GBE1: variants seen among roughly 807,000 people sequenced by gnomAD.
GBE1 encodes the protein 1,4-alpha-glucan-branching enzyme.
In GBE1, 70 loss-of-function variants were observed where a neutral mutation model predicts 88.8. That is an observed-to-expected ratio of 0.79 (90% confidence interval 0.65 to 0.96). GBE1 has a LOEUF of 0.96. Among genes scored for constraint, GBE1 ranks in the 40% least tolerant of loss-of-function variants. GBE1 has a pLI of 0.00. For missense variants in GBE1, 872 were observed against 871.0 expected (o/e 1.00, Z -0.01); for synonymous variants, 284 against 300.1 (o/e 0.95, Z 0.56).
At chr3:81,680,299 C>A (rs1051265948) in intron 2 of GBE1, among the ~76,000 whole-genome samples, 1 of 152,052 alleles carries the variant, frequency 6.6e-6, no homozygotes, top group Admixed American at 6.5e-5. Flanking sequence ...CGAGACCATC[C>A]TGGCTAACAT....
chr3:81,637,844 G>A (rs1397885641), intron 7 of GBE1, among the ~76,000 whole-genome samples: 1 of 151,988 alleles, frequency 6.6e-6, no homozygotes, highest in Non-Finnish European at 1.5e-5. Context: ...TGGTCATGAT[G>A]TAATATCATA....
chr3:81,725,153 T>C (rs1706090774), intron 1 of GBE1, among the ~76,000 whole-genome samples: 1 of 152,206 alleles, frequency 6.6e-6, no homozygotes, highest in African/African-American at 2.4e-5. Context: ...AATTTATATT[T>C]AAACATTTTT....
chr3:81,717,239 A>G (rs979232037), intron 1 of GBE1, among the ~76,000 whole-genome samples: 7 of 152,224 alleles, frequency 4.6e-5, no homozygotes, highest in Non-Finnish European at 1.0e-4. Flanking sequence ...CTCTTGGCTC[A>G]AATAACACTC....
chr3:81,673,441 T>A (rs1371105775), intron 2 of GBE1, among the ~76,000 whole-genome samples: 1 of 151,854 alleles, frequency 6.6e-6, no homozygotes, highest in Non-Finnish European at 1.5e-5. Context: ...CCAATATAAA[T>A]GAGAAAATGT....
chr3:81,751,707 A>T lies in GBE1; in HGVS notation c.143+9668T>A, dbSNP rs148998168. 3.9e-3 allele frequency among the ~76,000 whole-genome samples: 601 copies of T among 152,324 alleles called. 18 individuals are homozygous for T. In the East Asian group the frequency reaches 0.042, roughly 11 times the overall value. On this transcript the variant is annotated intron_variant, in intron 1 of 15. Transcript: ENST00000429644. ...ACCACTGACCTTCGCTTTTCTTCAC[A>T]AGCCTCTATTTCTATAATTCATTGC...
intron 1 of GBE1, among the ~76,000 whole-genome samples, chr3:81,720,610 T>C (rs1473913751): frequency 6.6e-6 from 1 of 152,080 alleles, no homozygotes; most frequent in African/African-American, 2.4e-5. Context: ...ACTCTGTAGG[T>C]CTTGTAATGA....
In GBE1 at chr3:81,586,180, C is replaced by A; in HGVS notation, c.1247G>T (p.Gly416Val). ...DSITIAEDVS[G>V]MPALCSPISQ... is the part of the protein sequence containing the mutation. Reference sequence around the variant, plus strand: ...AATTGGAGAGCACAGAGCTGGCATTCCTGATACATCCTACAACAAAGAACG... The same window carrying A: ...AATTGGAGAGCACAGAGCTGGCATTACTGATACATCCTACAACAAAGAACG... Residue 416 changes from glycine to valine, a missense_variant, in exon 10 of 16, where the codon GGA becomes GTA. By Grantham distance (109) the Gly-to-Val change is moderately radical. Transcript: ENST00000429644. The A allele has an allele frequency of 6.2e-7, 1 of 1,601,082 alleles. No homozygotes were observed. The highest frequency in any genetic ancestry group is 8.5e-7 in the Non-Finnish European group (1 of 1,173,326).
At chr3:81,721,022 A>G (rs1706019801) in intron 1 of GBE1, among the ~76,000 whole-genome samples, 1 of 79,114 alleles carries the variant, frequency 1.3e-5, no homozygotes, top group African/African-American at 6.0e-5. Context: ...GGACACAGGA[A>G]GGGGAATATC....
intron 1 of GBE1, among the ~76,000 whole-genome samples, chr3:81,722,619 G>A (rs1163139224): frequency 2.0e-5 from 3 of 151,762 alleles, no homozygotes; most frequent in East Asian, 3.9e-4. Context: ...AGTAGATGAG[G>A]AAGAAATGAG....
At chr3:81,581,952 T>C (rs1457313069) in intron 10 of GBE1, among the ~76,000 whole-genome samples, 1 of 152,114 alleles carries the variant, frequency 6.6e-6, no homozygotes, top group Non-Finnish European at 1.5e-5. Flanking sequence ...TTGACACTGC[T>C]GATCCTATCT....
At chr3:81,719,213 G>A (rs1267003602) in intron 1 of GBE1, among the ~76,000 whole-genome samples, 1 of 151,874 alleles carries the variant, frequency 6.6e-6, no homozygotes, top group African/African-American at 2.4e-5. Flanking sequence ...CGGTTTTTTT[G>A]TTCGTTTGGT....
Position 81,649,649 on chromosome 3 carries a change from T to C in GBE1, c.555+147A>G, listed in dbSNP as rs1458225095. On this transcript the variant is annotated intron_variant, in intron 4 of 15. Transcript: ENST00000429644. ...TACAGAAGACAGACTATGATACTCATACAGTATAAAAGGAATACTATGATG... is the reference window on the plus strand; with the variant it reads ...TACAGAAGACAGACTATGATACTCACACAGTATAAAAGGAATACTATGATG... 7.0e-6 allele frequency: 4 copies of C among 567,938 alleles called. No homozygotes were observed. The South Asian group carries it at 9.5e-5, about 14-fold the overall frequency. 35.2% of individuals were successfully genotyped at this position (567,938 alleles called of 1,614,324 possible). A position where few individuals can be genotyped will look rare whatever the true frequency, so the allele number is the denominator to read the frequency against.
Position 81,733,181 on chromosome 3 carries a change from G to C in GBE1, c.144-27568C>G, listed in dbSNP as rs1706211823. 6.6e-6 allele frequency among the ~76,000 whole-genome samples: 1 copy of C among 151,910 alleles called. No homozygotes were observed. ...AGATTCCCATAGCAGAATCTAACAG[G>C]GTTCACATAGAACCCTACTGTGAAC... On this transcript the variant is annotated intron_variant, in intron 1 of 15. Transcript: ENST00000429644. The surrounding 1 kb of genome is among the most constrained non-coding windows in gnomAD (Gnocchi z 4.0).
At chr3:81,525,426 G>T (rs1178994179) in intron 14 of GBE1, among the ~76,000 whole-genome samples, 2 of 151,892 alleles carry the variant, frequency 1.3e-5, no homozygotes, top group East Asian at 3.9e-4. Flanking sequence ...TGCTGGATTC[G>T]GTTTGCCAGT....
chr3:81,583,422 A>T (rs1703760013), intron 10 of GBE1, among the ~76,000 whole-genome samples: 1 of 152,148 alleles, frequency 6.6e-6, no homozygotes, highest in Non-Finnish European at 1.5e-5. Flanking sequence ...GAGTACACAC[A>T]TGTATACAGT....
intron 1 of GBE1, among the ~76,000 whole-genome samples, chr3:81,724,287 T>A (rs1706078193): frequency 6.6e-6 from 1 of 152,188 alleles, no homozygotes; most frequent in Non-Finnish European, 1.5e-5. Flanking sequence ...TGTCTCCAAA[T>A]TCACATTAAA....
At chr3:81,648,744 A>C (rs532238435) in intron 5 of GBE1, 112 bp downstream of exon 5, 272 of 566,562 alleles carry the variant, frequency 4.8e-4, no homozygotes, top group Non-Finnish European at 4.9e-4. Context: ...ATGCCTTTCT[A>C]TTACATATTT....
chr3:81,576,168 C>G (rs1703644868), intron 12 of GBE1, among the ~76,000 whole-genome samples: 1 of 151,526 alleles, frequency 6.6e-6, no homozygotes, highest in Non-Finnish European at 1.5e-5. Context: ...TGAAATTTAA[C>G]CTAATAAACA....
In GBE1 at chr3:81,602,066, T is replaced by C. The variant is rs193121128; in HGVS notation, c.993-8043A>G. ...GAATAAATATGGGAGTATGAGACTG[T>C]ATTGAGAGAGAAACAGTTAATCTAT... On this transcript the variant is annotated intron_variant, in intron 7 of 15. Transcript: ENST00000429644. 8.5e-5 allele frequency among the ~76,000 whole-genome samples: 13 copies of C among 152,306 alleles called. No homozygotes were observed. In the East Asian group the frequency reaches 2.5e-3, roughly 29 times the overall value.
Sources: gnomAD v4.1 joint callset for allele counts (sites outside exome capture counted in the v4.1 genomes callset) on GRCh38, gnomAD v4.1.1 for gene constraint, Gnocchi (gnomAD v3.1) non-coding constraint, MANE v1.5 for transcripts, NCBI Gene and HGNC (gene_info 2026-07-23, HGNC 2026-07-21) for gene names.